Variants in TROAP observed in about 807,000 individuals in gnomAD.
TROAP encodes trophinin associated protein, also known as tastin.
Under a neutral mutation model 83.4 loss-of-function variants are expected in TROAP, and 62 were observed. The ratio of observed to expected loss-of-function variants is 0.74; its 90% CI spans 0.61 to 0.92. The LOEUF (loss-of-function observed/expected upper bound fraction) is 0.92. Among genes scored for constraint, TROAP ranks in the 40% least tolerant of loss-of-function variants. TROAP has a pLI of 0.00. For synonymous variants in TROAP, 352 were observed against 386.4 expected (o/e 0.91, Z 1.04); for missense variants, 876 against 985.1 (o/e 0.89, Z 1.48).
In TROAP at chr12:49,329,544, G is replaced by C. The variant is rs972726086; in HGVS notation, c.1164+90G>C. 2.0e-5 allele frequency: 29 copies of C among 1,431,282 alleles called. No individual in the cohort carries two copies. Among genetic ancestry groups the C allele is most frequent in the Non-Finnish European group, 2.6e-5 (27 of 1,051,866 alleles). The allele number at this position is 1,431,282 out of a possible 1,614,324, so 88.7% of individuals were successfully genotyped here. A position where few individuals can be genotyped will look rare whatever the true frequency, so the allele number is the denominator to read the frequency against. ...GAGTTTGAGGCACACGTGCTTTCTG[G>C]GCCAGGCATGGTGGCTCACACCTGT... On this transcript the variant is annotated intron_variant, in intron 11 of 14. Coordinates refer to ENST00000257909, the MANE Select transcript of TROAP (RefSeq NM_005480.4). This position sits in a 1 kb window ranked among gnomAD's most constrained non-coding sequence, Gnocchi z 4.5.
intron 4 of TROAP, 35 bp downstream of exon 4, chr12:49,325,693 G>A (rs1357832087): frequency 6.2e-7 from 1 of 1,612,912 alleles, no homozygotes; most frequent in East Asian, 2.2e-5. Flanking sequence ...CCAGGCTAGG[G>A]GGCACTGAGG....
Position 49,328,214 on chromosome 12 carries a change from C to CTT in TROAP, c.892-687_892-686dup, listed in dbSNP as rs981259606. Among the ~76,000 whole-genome samples the CTT allele has an allele frequency of 7.6e-4, 59 of 77,364 alleles. 3 individuals are homozygous for CTT. Among genetic ancestry groups the CTT allele is most frequent in the African/African-American group, 8.6e-4 (16 of 18,574 alleles). 50.8% of individuals were successfully genotyped at this position (77,364 alleles called of 152,430 possible). ...GAAAGTGACATGATTTGACTTAGGT[C>CTT]TTTTTTTTTTTTTTTTTTTTTTTTT... is the stretch of plus-strand genomic sequence containing the variant. On this transcript the variant is annotated intron_variant, in intron 8 of 14. Coordinates refer to ENST00000257909, the MANE Select transcript of TROAP (RefSeq NM_005480.4).
Position 49,330,223 on chromosome 12 carries a change from G to T in TROAP, c.1378G>T (p.Gly460Cys). 1 of 1,614,122 alleles carries T rather than the reference G, an allele frequency of 6.2e-7. No homozygotes were observed. Residue 460 changes from glycine to cysteine, a missense_variant, in exon 13 of 15, where the codon GGC becomes TGC. By Grantham distance (159) the Gly-to-Cys change is radical. This residue lies in a region of TROAP where 689 missense variants were observed against 722.6 expected (regional missense o/e 0.95). Transcript: ENST00000257909. ...GGGCCAGTGTGTCCCTCTTAATGGA[G>T]GCTCTTCTCTGGATATGGTTGAACT... is the stretch of plus-strand genomic sequence containing the variant. ...VGGQCVPLNG[G>C]SSLDMVELQP...
At chr12:49,330,993 CTG>C (rs756910533) in intron 13 of TROAP, 50 bp downstream of exon 13, 5 of 1,597,244 alleles carry the variant, frequency 3.1e-6, no homozygotes, top group Non-Finnish European at 4.3e-6. Flanking sequence ...CCTCACCTCA[CTG>C]TGAGCTGCAC....
chr12:49,326,465 A>G (rs958698972), intron 6 of TROAP, among the ~76,000 whole-genome samples: 5 of 152,182 alleles, frequency 3.3e-5, no homozygotes, highest in African/African-American at 1.2e-4. Flanking sequence ...TTGGGTTTAT[A>G]TCCTAACTCT....
chr12:49,324,129 C>T (rs1333633279), intron 3 of TROAP, 92 bp downstream of exon 3: 1 of 1,614,134 alleles, frequency 6.2e-7, no homozygotes, highest in Non-Finnish European at 8.5e-7. Flanking sequence ...GCACTCACTC[C>T]TGCTGTCTCC....
At position 49,330,752 on chromosome 12, in the gene TROAP, G is replaced by A; in HGVS notation, c.1907G>A (p.Cys636Tyr). The A allele has an allele frequency of 6.2e-7, 1 of 1,613,954 alleles. No individual in the cohort carries two copies. The change falls in exon 13 of 15, where the codon TGC (cysteine) becomes TAC (tyrosine). Residue 636 changes from cysteine (C) to tyrosine (Y), a missense_variant. Transcript: ENST00000257909. ...TQGQSGPPGP[C>Y]PRVELGASEP... ...GGGCAGTCTGGACCCCCAGGGCCCT[G>A]CCCTAGGGTAGAGCTGGGGGCATCA... is the stretch of plus-strand genomic sequence containing the variant.
At chr12:49,325,362 T>G in intron 3 of TROAP, 139 bp from the exon 4 acceptor site, 1 of 887,562 alleles carries the variant, frequency 1.1e-6, no homozygotes, top group Non-Finnish European at 1.6e-6. Context: ...AGCCATCTAT[T>G]TCTTAAAAAA....
At chr12:49,325,412 T>A (rs1943483239) in intron 3 of TROAP, 89 bp from the exon 4 acceptor site, 1 of 1,356,372 alleles carries the variant, frequency 7.4e-7, no homozygotes, top group South Asian at 1.5e-5. Flanking sequence ...ATGAGTCTCT[T>A]GCTCACCTTG....
intron 3 of TROAP, chr12:49,324,259 C>G (rs1374604837): frequency 6.4e-7 from 1 of 1,567,208 alleles, no homozygotes; most frequent in Non-Finnish European, 8.8e-7. Flanking sequence ...GTAATCACAG[C>G]TACTCAGGAG....
rs780918878 is a variant in TROAP at position 49,330,516 on chromosome 12, G to A, written c.1671G>A (p.Glu557=). 222 of 1,613,526 alleles carry A rather than the reference G, an allele frequency of 1.4e-4. No homozygotes were observed. Among genetic ancestry groups the A allele is most frequent in the Non-Finnish European group, 1.8e-4 (210 of 1,179,730 alleles). Reference sequence around the variant, plus strand: ...CTCCAGCAGAACCCAGGCCCCTAGAGTCCTGCTGTAGGAGTGAGCCTGAGA... The same window carrying A: ...CTCCAGCAGAACCCAGGCCCCTAGAATCCTGCTGTAGGAGTGAGCCTGAGA... ...PYPPAEPRPL[E]SCCRSEPEIP... Residue 557 remains glutamate (E), a synonymous_variant, in exon 13 of 15, where the codon GAG becomes GAA. Coordinates refer to ENST00000257909, the MANE Select transcript of TROAP (RefSeq NM_005480.4).
rs544869657 is a variant in TROAP, at chr12:49,330,845, C to T, written c.2000C>T (p.Pro667Leu). 8.1e-6 allele frequency: 13 copies of T among 1,613,302 alleles called. No homozygotes were observed. In the African/African-American group the frequency reaches 1.7e-4, roughly 21 times the overall value. The change falls in exon 13 of 15, where the codon CCA becomes CTA. Residue 667 changes from proline to leucine, a missense_variant. Physicochemically the swap from Pro to Leu is moderately conservative, Grantham distance 98. Transcript: ENST00000257909. ...CCACCCTGCTGCAGTCAGTGGGCTC[C>T]AGCAACCACCAGCCTGATCTTCTCT... ...SLPPCCSQWA[P>L]ATTSLIFSSQ...
chr12:49,326,642 C>T lies in TROAP; in HGVS notation c.717-26C>T, dbSNP rs1354369223. On this transcript the variant is annotated intron_variant, in intron 6 of 14. Transcript: ENST00000257909. The stretch of plus-strand genomic sequence containing the variant: ...GCTCATACTTGGTATTCAGTGACTG[C>T]TGGCTAATGTCCTTATTGTCATCAG... 1.9e-6 allele frequency: 3 copies of T among 1,551,120 alleles called. 1 individual carries two copies. The Middle Eastern group carries it at 5.0e-4, about 259-fold the overall frequency.
In TROAP at chr12:49,323,703, T is replaced by TC; in HGVS notation, c.99dup (p.Thr34HisfsTer31). The TC allele has an allele frequency of 6.2e-7, 1 of 1,614,058 alleles. No individual in the cohort carries two copies. Among genetic ancestry groups the TC allele is most frequent in the Non-Finnish European group, 8.5e-7 (1 of 1,180,010 alleles). Reference sequence around the variant, plus strand: ...GTACGCTCTCAGAAACGCACGCCTTTCCCCACTGTTACATCGTGCGCCGTG... The same window carrying TC: ...GTACGCTCTCAGAAACGCACGCCTTTCCCCCACTGTTACATCGTGCGCCGTG... On this transcript the variant is annotated frameshift_variant, in exon 2 of 15. Coordinates refer to ENST00000257909, the MANE Select transcript of TROAP (RefSeq NM_005480.4). LOFTEE classifies it high-confidence loss of function.
chr12:49,331,231 C>CCT lies in TROAP; in HGVS notation c.2118_2119dup (p.Arg707LeufsTer4). On this transcript the variant is annotated frameshift_variant, in exon 14 of 15. Transcript: ENST00000257909. LOFTEE classifies it high-confidence loss of function. ...CCCCTCAGGCCTCAGCAATCTGGCCCCTCGAACCCTAGCCCTGAGGGAGCG... is the reference window on the plus strand; with the variant it reads ...CCCCTCAGGCCTCAGCAATCTGGCCCCTCTCGAACCCTAGCCCTGAGGGAGCG... 6.2e-7 allele frequency: 1 copy of CCT among 1,614,224 alleles called. No homozygotes were observed. The highest frequency in any genetic ancestry group is 8.5e-7 in the Non-Finnish European group (1 of 1,180,038).
chr12:49,326,685 C>T lies in TROAP; in HGVS notation c.734C>T (p.Ala245Val). 2 of 1,559,804 alleles carry T rather than the reference C, an allele frequency of 1.3e-6. No individual in the cohort carries two copies. Among genetic ancestry groups the T allele is most frequent in the Non-Finnish European group, 1.7e-6 (2 of 1,150,574 alleles). ...AGSSRTSVSQ[A>V]SGLLLETPVQ... is the part of the protein sequence containing the mutation. ...GTCATCAGGACTTCAGTGAGCCAGG[C>T]CTCAGGATTGCTCCTGGAGACCCCA... The change falls in exon 7 of 15, where the codon GCC becomes GTC. Residue 245 changes from alanine to valine, a missense_variant. Physicochemically the swap from Ala to Val is moderately conservative, Grantham distance 64. Coordinates refer to ENST00000257909, the MANE Select transcript of TROAP (RefSeq NM_005480.4).
chr12:49,324,236 A>G (rs1001064652), intron 3 of TROAP, 199 bp downstream of exon 3: 2 of 1,608,730 alleles, frequency 1.2e-6, no homozygotes, highest in Non-Finnish European at 1.7e-6. Context: ...GCCAGGTGCC[A>G]TGGCTTGTAC....
chr12:49,329,148 CAT>C lies in TROAP; in HGVS notation c.1021-12_1021-11del, dbSNP rs1044117006. 11 of 1,614,046 alleles carry C rather than the reference CAT, an allele frequency of 6.8e-6. No homozygotes were observed. The Admixed American group carries it at 1.7e-4, about 24-fold the overall frequency. On this transcript the variant is annotated splice_polypyrimidine_tract_variant and intron_variant, in intron 9 of 14. Coordinates refer to ENST00000257909, the MANE Select transcript of TROAP (RefSeq NM_005480.4). The surrounding 1 kb of genome is among the most constrained non-coding windows in gnomAD (Gnocchi z 4.5). ...GGTTTTGTCCCTGCTCAGCCACCCA[CAT>C]CTCTCCCCAGACCTCATATTCAGTG...
chr12:49,331,617 A>G lies in TROAP; in HGVS notation c.2337A>G (p.Ter779TrpextTer1), dbSNP rs992209330. 4 of 1,613,812 alleles carry G rather than the reference A, an allele frequency of 2.5e-6. No individual in the cohort carries two copies. In the African/African-American group the frequency reaches 5.3e-5, roughly 22 times the overall value. The change falls in exon 15 of 15, where the codon TGA becomes TGG. Residue 779 changes from the stop codon to tryptophan, a stop_lost. Coordinates refer to ENST00000257909, the MANE Select transcript of TROAP (RefSeq NM_005480.4). ...VGSAAPQGSP[*>W] ...CTGCTGCCCCCCAGGGCTCTCCATG[A>G]TGAGACAACCACTCCTGCCCTGCCG...
Sources: allele counts gnomAD v4.1 joint callset (sites outside exome capture counted in the v4.1 genomes callset), GRCh38; gene constraint gnomAD v4.1.1; regional missense constraint gnomAD v4.1.1; non-coding constraint Gnocchi (gnomAD v3.1); transcripts MANE v1.5; gene names NCBI Gene and HGNC (gene_info 2026-07-23, HGNC 2026-07-21).